Variants in CDH13 observed in about 807,000 individuals in gnomAD.
CDH13 encodes cadherin-13.
Under a neutral mutation model 63.8 loss-of-function variants are expected in CDH13, and 24 were observed. The observed-to-expected ratio is 0.38, with a 90% CI of 0.27 to 0.53. The LOEUF (loss-of-function observed/expected upper bound fraction) is 0.53. CDH13 is among the 20% of genes least tolerant of loss of function. CDH13 has a pLI of 0.85. For synonymous variants in CDH13, 503 were observed against 355.3 expected, an observed-to-expected ratio of 1.42 and a Z score of -4.67; for missense variants, 1,049 against 903.1, an observed-to-expected ratio of 1.16 and a Z score of -2.07.
intron 8 of CDH13, among the ~76,000 whole-genome samples, chr16:83,619,949 T>C (rs948724411): frequency 6.6e-6 from 1 of 151,878 alleles, no homozygotes; most frequent in Admixed American, 6.6e-5. Flanking sequence ...CAGGAGGAAC[T>C]GAAAGCCACC....
At chr16:83,766,319 A>T (rs533447544) in intron 11 of CDH13, among the ~76,000 whole-genome samples, 1 of 152,226 alleles carries the variant, frequency 6.6e-6, no homozygotes, top group African/African-American at 2.4e-5. Context: ...AGCCATACAT[A>T]TTTGTTTTTT....
intron 5 of CDH13, among the ~76,000 whole-genome samples, chr16:83,302,393 C>A (rs1358272819): frequency 2.0e-5 from 3 of 152,168 alleles, no homozygotes; most frequent in Admixed American, 1.3e-4. Context: ...CACAGAATAG[C>A]AGCTCTGTAA....
intron 6 of CDH13, among the ~76,000 whole-genome samples, chr16:83,472,123 A>G (rs2073469530): frequency 6.6e-6 from 1 of 152,100 alleles, no homozygotes. Context: ...CACTTAATCC[A>G]TGCACCAACC....
intron 1 of CDH13, among the ~76,000 whole-genome samples, chr16:82,668,786 C>T (rs1301509169): frequency 6.6e-6 from 1 of 152,120 alleles, no homozygotes; most frequent in Admixed American, 6.5e-5. Context: ...CAGCTGAGTA[C>T]CTGGGACAGA....
At chr16:82,715,758 C>T (rs913970647) in intron 1 of CDH13, among the ~76,000 whole-genome samples, 2 of 152,124 alleles carry the variant, frequency 1.3e-5, no homozygotes, top group African/African-American at 4.8e-5. Flanking sequence ...ACATGCAGCA[C>T]GAAGCAGCGA....
chr16:83,769,932 A>G (rs530430718), intron 11 of CDH13, among the ~76,000 whole-genome samples: 6 of 152,268 alleles, frequency 3.9e-5, no homozygotes, highest in African/African-American at 7.2e-5. Flanking sequence ...CAGAAAAATC[A>G]GGGTACTTGG....
chr16:82,641,509 C>T (rs994079323), intron 1 of CDH13, among the ~76,000 whole-genome samples: 9 of 152,200 alleles, frequency 5.9e-5, no homozygotes, highest in Admixed American at 2.0e-4. Context: ...CAGATATTCT[C>T]TTTCCCACTA....
intron 1 of CDH13, among the ~76,000 whole-genome samples, chr16:82,786,201 G>C (rs984752894): frequency 7.9e-5 from 12 of 152,280 alleles, no homozygotes; most frequent in African/African-American, 2.9e-4. Flanking sequence ...TTTAGAAGTA[G>C]AAGGCAAAGA....
At chr16:82,745,182 C>A (rs77839428) in intron 1 of CDH13, among the ~76,000 whole-genome samples, 6,897 of 152,242 alleles carry the variant, frequency 0.045, 216 homozygotes, top group Non-Finnish European at 0.067. Flanking sequence ...CCCCCTCAGA[C>A]TCAGGCTGAC....
intron 7 of CDH13, among the ~76,000 whole-genome samples, chr16:83,518,475 TTTTTTG>T (rs1165025519): frequency 1.5e-5 from 2 of 135,394 alleles, no homozygotes; most frequent in Non-Finnish European, 3.1e-5. Context: ...TTGTTTTTTG[TTTTTTG>T]TTTTTTTTTG....
chr16:83,129,134 G>T (rs2035939847), intron 4 of CDH13, among the ~76,000 whole-genome samples: 1 of 152,134 alleles, frequency 6.6e-6, no homozygotes, highest in Non-Finnish European at 1.5e-5. Flanking sequence ...GCAGAGCTGT[G>T]GAAGAGGACG....
intron 10 of CDH13, among the ~76,000 whole-genome samples, chr16:83,699,301 C>T (rs1481649718): frequency 6.6e-6 from 1 of 152,210 alleles, no homozygotes; most frequent in Non-Finnish European, 1.5e-5. Flanking sequence ...AATAATATTC[C>T]TGCATTTGTT....
At chr16:83,048,898 C>T (rs955826403) in intron 3 of CDH13, among the ~76,000 whole-genome samples, 1 of 151,982 alleles carries the variant, frequency 6.6e-6, no homozygotes, top group African/African-American at 2.4e-5. Flanking sequence ...TGTTGAAAGC[C>T]ATCTTCACTC....
intron 8 of CDH13, among the ~76,000 whole-genome samples, chr16:83,621,321 C>G (rs963087845): frequency 6.6e-6 from 1 of 152,088 alleles, no homozygotes; most frequent in African/African-American, 2.4e-5. Flanking sequence ...CTTGCCAGGG[C>G]TATTCCTCGG....
At chr16:83,706,759 G>C (rs920793604) in intron 10 of CDH13, among the ~76,000 whole-genome samples, 3 of 152,232 alleles carry the variant, frequency 2.0e-5, no homozygotes, top group African/African-American at 7.2e-5. Flanking sequence ...CTTCAGGAAT[G>C]CCGGAAAAAG....
At chr16:83,061,418 C>T (rs539734915) in intron 3 of CDH13, among the ~76,000 whole-genome samples, 4 of 152,250 alleles carry the variant, frequency 2.6e-5, no homozygotes, top group Non-Finnish European at 5.9e-5. Context: ...AAAATAGTTT[C>T]CTGGTGACCT....
At chr16:83,081,351 A>T (rs571817019) in intron 3 of CDH13, among the ~76,000 whole-genome samples, 1 of 152,280 alleles carries the variant, frequency 6.6e-6, no homozygotes, top group East Asian at 1.9e-4. Context: ...ACAGTTGAAG[A>T]CGGGCATTGA....
At position 83,280,717 on chromosome 16, in the gene CDH13, T is replaced by G. The variant is rs536620647; in HGVS notation, c.636+63220T>G. Among the ~76,000 whole-genome samples the G allele has an allele frequency of 2.0e-5, 3 of 152,350 alleles. No homozygotes were observed. In the South Asian group the frequency reaches 6.2e-4, roughly 32 times the overall value. ...ATTTCGTATCTCATAAGCTATAGTTTTACAAAATGTCTTTTGAAAGTCAAA... is the reference window on the plus strand; with the variant it reads ...ATTTCGTATCTCATAAGCTATAGTTGTACAAAATGTCTTTTGAAAGTCAAA... On this transcript the variant is annotated intron_variant, in intron 5 of 13. Coordinates refer to ENST00000567109, the MANE Select transcript of CDH13 (RefSeq NM_001257.5).
intron 4 of CDH13, among the ~76,000 whole-genome samples, chr16:83,211,138 A>G (rs149015929): frequency 0.023 from 3,401 of 149,814 alleles, 46 homozygotes; most frequent in Middle Eastern, 0.068. Flanking sequence ...ACAGAGCAAG[A>G]TTCCATCTCA....
Sources: allele counts gnomAD v4.1 joint callset (sites outside exome capture counted in the v4.1 genomes callset), GRCh38; gene constraint gnomAD v4.1.1; transcripts MANE v1.5; gene names NCBI Gene and HGNC (gene_info 2026-07-23, HGNC 2026-07-21).